Variants in TECPR2 observed in about 807,000 individuals in gnomAD.
TECPR2 encodes tectonin beta-propeller repeat containing 2.
TECPR2 carries 65 observed loss-of-function variants against 138.1 expected under a neutral mutation model. That is an observed-to-expected ratio of 0.47 (90% CI 0.39 to 0.58). The LOEUF is 0.58. Ranked by LOEUF, TECPR2 falls within the 20% of genes least tolerant of loss-of-function variation. The pLI is 0.00. For missense variants in TECPR2, 1,553 were observed against 1,824.5 expected (o/e 0.85, Z 2.71); for synonymous variants, 746 against 749.8 (o/e 0.99, Z 0.08).
chr14:102,417,104 A>G (rs1595113594), intron 5 of TECPR2, among the ~76,000 whole-genome samples: 1 of 152,340 alleles, frequency 6.6e-6, no homozygotes, highest in East Asian at 1.9e-4. Context: ...TTTAGGGAAC[A>G]TTGATTGAAA....
intron 2 of TECPR2, among the ~76,000 whole-genome samples, chr14:102,400,272 C>T (rs925143394): frequency 2.6e-5 from 4 of 152,066 alleles, no homozygotes; most frequent in East Asian, 1.9e-4. Flanking sequence ...TGTTAAACTC[C>T]GACCTCAGTT....
At chr14:102,488,891 TC>T (rs1275958790) in intron 17 of TECPR2, among the ~76,000 whole-genome samples, 2 of 151,954 alleles carry the variant, frequency 1.3e-5, no homozygotes, top group Non-Finnish European at 2.9e-5. Flanking sequence ...CTTTTTTTTT[TC>T]TTTTTTGAGA....
intron 17 of TECPR2, among the ~76,000 whole-genome samples, chr14:102,476,250 GGCTGGGT>G (rs1436011339): frequency 2.0e-5 from 3 of 147,598 alleles, no homozygotes; most frequent in African/African-American, 7.5e-5. Flanking sequence ...AAAAACTCCA[GGCTGGGT>G]GTGGTGGCTC....
Position 102,388,991 on chromosome 14 carries a change from G to A in TECPR2, c.219+12051G>A, listed in dbSNP as rs1597777287. On this transcript the variant is annotated intron_variant, in intron 2 of 19. Transcript: ENST00000359520. ...AAAAAAAAAAAAAAATTAGCTGGAT[G>A]TGGTGGCACGTGCCTGTAGTCCCAG... Among the ~76,000 whole-genome samples the A allele has an allele frequency of 3.4e-5, 5 of 148,164 alleles. No individual in the cohort carries two copies. The South Asian group carries it at 1.1e-3, about 32-fold the overall frequency.
rs536644403 is a variant in TECPR2 at position 102,368,991 on chromosome 14, G to A, written c.-73+5875G>A. On this transcript the variant is annotated intron_variant, in intron 1 of 19. Coordinates refer to ENST00000359520, the MANE Select transcript of TECPR2 (RefSeq NM_014844.5). ...AAATGTGATTATGCTGTTACCTGCCGGACAATTGTGACAGTTTCTAATACC... is the reference window on the plus strand; with the variant it reads ...AAATGTGATTATGCTGTTACCTGCCAGACAATTGTGACAGTTTCTAATACC... Among the ~76,000 whole-genome samples, 72 of 152,232 alleles carry A rather than the reference G, an allele frequency of 4.7e-4. 1 individual carries two copies. The Middle Eastern group carries it at 0.01, about 22-fold the overall frequency.
chr14:102,421,830 C>A (rs1567333529), intron 5 of TECPR2, among the ~76,000 whole-genome samples: 1 of 152,144 alleles, frequency 6.6e-6, no homozygotes, highest in East Asian at 1.9e-4. Flanking sequence ...TCAATAATTG[C>A]ACGTACCACA....
chr14:102,488,696 T>TC (rs1206481284), intron 17 of TECPR2, among the ~76,000 whole-genome samples: 1 of 151,872 alleles, frequency 6.6e-6, no homozygotes, highest in Non-Finnish European at 1.5e-5. Flanking sequence ...TTATAAGAAA[T>TC]CCTGAGTACC....
chr14:102,387,628 A>G (rs145973212), intron 2 of TECPR2, among the ~76,000 whole-genome samples: 5,698 of 151,366 alleles, frequency 0.038, 116 homozygotes, highest in Middle Eastern at 0.082. Flanking sequence ...CCGGTTTCAC[A>G]TCATTCTCCT....
At position 102,425,179 on chromosome 14, in the gene TECPR2, G is replaced by A; in HGVS notation, c.839G>A (p.Gly280Glu). ...LHPRLESPNS[G>E]SCSLPERHLG... ...CCGCGTCTGGAATCCCCCAACAGTG[G>A]AAGTTGCAGCTTACCTGAGAGGCAC... The change falls in exon 6 of 20, where the codon GGA becomes GAA. Residue 280 changes from glycine to glutamate, a missense_variant. Physicochemically the swap from Gly to Glu is moderately conservative, Grantham distance 98. Coordinates refer to ENST00000359520, the MANE Select transcript of TECPR2 (RefSeq NM_014844.5). 1.9e-6 allele frequency: 3 copies of A among 1,614,174 alleles called. No individual in the cohort carries two copies. Among genetic ancestry groups the A allele is most frequent in the South Asian group, 2.2e-5 (2 of 91,070 alleles).
chr14:102,427,288 G>A (rs1234668627), intron 6 of TECPR2, among the ~76,000 whole-genome samples: 1 of 152,136 alleles, frequency 6.6e-6, no homozygotes, highest in Non-Finnish European at 1.5e-5. Flanking sequence ...ACTGTGCATT[G>A]GTTCTTTCAT....
intron 17 of TECPR2, among the ~76,000 whole-genome samples, chr14:102,488,514 C>CT (rs1465452519): frequency 5.4e-5 from 8 of 149,310 alleles, no homozygotes; most frequent in East Asian, 2.0e-4. Flanking sequence ...TAATTTTGTA[C>CT]TTTTTTTTTA....
At chr14:102,455,310 A>C (rs998667754) in intron 16 of TECPR2, among the ~76,000 whole-genome samples, 5 of 152,192 alleles carry the variant, frequency 3.3e-5, no homozygotes, top group Admixed American at 2.6e-4. Flanking sequence ...GCTGACCCCG[A>C]AATGAATCAG....
intron 13 of TECPR2, among the ~76,000 whole-genome samples, chr14:102,446,311 C>T (rs1481158581): frequency 6.6e-6 from 1 of 152,010 alleles, no homozygotes; most frequent in Non-Finnish European, 1.5e-5. Context: ...TCAAGAGATC[C>T]ACCCAGACTG....
At chr14:102,494,060 G>A (rs1205307354) in intron 17 of TECPR2, among the ~76,000 whole-genome samples, 3 of 152,234 alleles carry the variant, frequency 2.0e-5, no homozygotes, top group African/African-American at 7.2e-5. Flanking sequence ...AACCTAGCCT[G>A]GTGCTTACGT....
intron 1 of TECPR2, among the ~76,000 whole-genome samples, chr14:102,369,146 TC>T (rs1040530612): frequency 6.6e-6 from 1 of 152,064 alleles, no homozygotes; most frequent in African/African-American, 2.4e-5. Context: ...CACTAAGACC[TC>T]CTAAGCCACC....
intron 17 of TECPR2, among the ~76,000 whole-genome samples, chr14:102,466,477 G>A (rs1043730918): frequency 1.3e-5 from 2 of 152,214 alleles, no homozygotes; most frequent in Non-Finnish European, 2.9e-5. Flanking sequence ...GCAGAGAGGA[G>A]CCTTCCTCAC....
rs572985053 is a variant in TECPR2, at chr14:102,498,782, C to T, written c.*525C>T. On this transcript the variant is annotated 3_prime_UTR_variant, in exon 20 of 20. Transcript: ENST00000359520. ...GCTGCAGAGCACATTCCATGCCAGA[C>T]GCTCTGGCCAGGAAGCTGAGGCCGG... 5.4e-4 allele frequency: 276 copies of T among 511,548 alleles called. No individual in the cohort carries two copies. The highest frequency in any genetic ancestry group is 1.0e-3 in the South Asian group (59 of 57,198). The allele number at this position is 511,548 out of a possible 1,614,324, so 31.7% of individuals were successfully genotyped here.
Position 102,450,586 on chromosome 14 carries a change from C to A in TECPR2, c.3343C>A (p.Arg1115Ser). The change falls in exon 15 of 20, where the codon CGT (arginine) becomes AGT (serine). Residue 1115 changes from arginine to serine, a missense_variant. Physicochemically the swap from Arg to Ser is moderately radical, Grantham distance 110. Coordinates refer to ENST00000359520, the MANE Select transcript of TECPR2 (RefSeq NM_014844.5). Reference protein sequence around the residue: ...IGTYWNHVVPRGTASATKWAF... With the variant: ...IGTYWNHVVPSGTASATKWAF... ...CACCTACTGGAATCATGTGGTTCCC[C>A]GTGGGACAGCTTCTGCTACAAAATG... 6.2e-7 allele frequency: 1 copy of A among 1,614,196 alleles called. No individual in the cohort carries two copies. The highest frequency in any genetic ancestry group is 1.1e-5 in the South Asian group (1 of 91,078).
intron 11 of TECPR2, among the ~76,000 whole-genome samples, chr14:102,442,463 A>G (rs1041857154): frequency 1.3e-5 from 2 of 152,240 alleles, no homozygotes; most frequent in South Asian, 2.1e-4. Context: ...TTTAAATGAA[A>G]GTAGCTCTGT....
Sources: allele counts gnomAD v4.1 joint callset (sites outside exome capture counted in the v4.1 genomes callset), GRCh38; gene constraint gnomAD v4.1.1; transcripts MANE v1.5; gene names NCBI Gene and HGNC (gene_info 2026-07-23, HGNC 2026-07-21).